EPHA6: variants seen among roughly 807,000 people sequenced by gnomAD.
EPHA6 encodes the protein EPH receptor A6.
In EPHA6, 50 loss-of-function variants were observed where a neutral mutation model predicts 112.0. The ratio of observed to expected loss-of-function variants is 0.45; its 90% CI spans 0.36 to 0.56. The LOEUF is 0.56. EPHA6 is among the 20% of genes least tolerant of loss of function. The probability of loss-of-function intolerance (pLI) is 0.00; values close to 1 mark genes in which losing one functional copy is unlikely to be tolerated. For synonymous variants in EPHA6, 529 were observed against 490.7 expected (o/e 1.08, Z -1.03); for missense variants, 1,280 against 1,417.4 (o/e 0.90, Z 1.56).
At chr3:96,957,402 A>C (rs923432383) in intron 2 of EPHA6, among the ~76,000 whole-genome samples, 1 of 152,220 alleles carries the variant, frequency 6.6e-6, no homozygotes, top group Admixed American at 6.5e-5. Context: ...GGGACTTCTC[A>C]TATCTGGAAA....
intron 11 of EPHA6, among the ~76,000 whole-genome samples, chr3:97,541,686 G>C (rs527608800): frequency 6.7e-6 from 1 of 148,796 alleles, no homozygotes; most frequent in Non-Finnish European, 1.5e-5. Flanking sequence ...TTATTTTGTA[G>C]ACTGTCCCTC....
chr3:97,250,608 A>G (rs1445257694), intron 5 of EPHA6, among the ~76,000 whole-genome samples: 1 of 152,210 alleles, frequency 6.6e-6, no homozygotes, highest in Admixed American at 6.5e-5. Context: ...GTTTAACTAA[A>G]TTGAAATTAA....
chr3:97,579,308 C>T (rs1025159881), intron 11 of EPHA6, among the ~76,000 whole-genome samples: 5 of 152,140 alleles, frequency 3.3e-5, no homozygotes, highest in African/African-American at 1.2e-4. Flanking sequence ...TATTCCCAGC[C>T]TTATACCCAG....
At chr3:97,549,749 G>A (rs1325100842) in intron 11 of EPHA6, among the ~76,000 whole-genome samples, 1 of 152,040 alleles carries the variant, frequency 6.6e-6, no homozygotes, top group Admixed American at 6.6e-5. Context: ...GGCAGAGGTA[G>A]CAGTGAGCCG....
At chr3:97,119,319 G>T (rs1409382720) in intron 3 of EPHA6, among the ~76,000 whole-genome samples, 1 of 151,942 alleles carries the variant, frequency 6.6e-6, no homozygotes, top group Non-Finnish European at 1.5e-5. Context: ...ATTTCTCTAG[G>T]TGCGTGTTGC....
chr3:96,862,821 C>A (rs951881274), intron 1 of EPHA6, among the ~76,000 whole-genome samples: 2 of 151,832 alleles, frequency 1.3e-5, no homozygotes, highest in African/African-American at 4.8e-5. Flanking sequence ...CAGATTTAAT[C>A]CAGTACTATT....
chr3:96,858,792 G>A (rs2035844300), intron 1 of EPHA6, among the ~76,000 whole-genome samples: 1 of 152,108 alleles, frequency 6.6e-6, no homozygotes, highest in Non-Finnish European at 1.5e-5. Context: ...TCTGAGGGCA[G>A]TCAGTGCTTC....
Position 97,757,067 on chromosome 3 carries a change from A to T in EPHA6, c.*8366A>T, listed in dbSNP as rs2036044484. ...CTATAGTAACCTCATTTTTTAAAAA[A>T]ATCAGAGGCAAAGCAAGAATGCAGA... is the stretch of plus-strand genomic sequence containing the variant. On this transcript the variant is annotated 3_prime_UTR_variant, in exon 18 of 18. Transcript: ENST00000389672. Among the ~76,000 whole-genome samples, 1 of 151,976 alleles carries T rather than the reference A, an allele frequency of 6.6e-6. No individual in the cohort carries two copies. Among genetic ancestry groups the T allele is most frequent in the East Asian group, 1.9e-4 (1 of 5,194 alleles).
intron 5 of EPHA6, among the ~76,000 whole-genome samples, chr3:97,397,876 T>A (rs1309367236): frequency 1.3e-5 from 2 of 151,564 alleles, no homozygotes; most frequent in African/African-American, 4.8e-5. Context: ...TATGTAAAAT[T>A]ATGTACACTT....
At chr3:97,648,289 C>A in intron 14 of EPHA6, 1 of 1,102,136 alleles carries the variant, frequency 9.1e-7, no homozygotes, top group Non-Finnish European at 1.4e-6. Context: ...TTCATAGGAC[C>A]TCTTCCAAAC....
chr3:97,063,966 C>G (rs1469426554), intron 3 of EPHA6, among the ~76,000 whole-genome samples: 5 of 152,088 alleles, frequency 3.3e-5, no homozygotes, highest in African/African-American at 1.2e-4. Context: ...GGAAATATTA[C>G]AAATGGTGTA....
chr3:97,687,374 A>G (rs143310804), intron 14 of EPHA6, among the ~76,000 whole-genome samples: 107 of 152,310 alleles, frequency 7.0e-4, no homozygotes, highest in African/African-American at 2.3e-3. Flanking sequence ...TTAACATACT[A>G]TTGGACATCA....
chr3:97,315,616 C>G (rs2081790167), intron 5 of EPHA6, among the ~76,000 whole-genome samples: 1 of 151,748 alleles, frequency 6.6e-6, no homozygotes, highest in Non-Finnish European at 1.5e-5. Context: ...CGTGATGTTT[C>G]TTAAAAGTGG....
rs80310904 is a variant in EPHA6 at position 97,187,087 on chromosome 3, C to T, written c.1115-39177C>T. 3.1e-3 allele frequency among the ~76,000 whole-genome samples: 479 copies of T among 152,216 alleles called. 3 individuals are homozygous for T. The highest frequency in any genetic ancestry group is 0.01 in the African/African-American group (435 of 41,558). ...TGTCATAAGAAATGACCCGAAATCT[C>T]CGTGGTGGCTTACAACAACCAAATT... On this transcript the variant is annotated intron_variant, in intron 3 of 17. Coordinates refer to ENST00000389672, the MANE Select transcript of EPHA6 (RefSeq NM_001080448.3).
chr3:97,010,341 T>C (rs2044040646), intron 3 of EPHA6, among the ~76,000 whole-genome samples: 1 of 152,184 alleles, frequency 6.6e-6, no homozygotes, highest in Non-Finnish European at 1.5e-5. Flanking sequence ...AAGTTATTCA[T>C]TTACATATTA....
chr3:97,183,779 G>A (rs1385540221), intron 3 of EPHA6, among the ~76,000 whole-genome samples: 2 of 151,984 alleles, frequency 1.3e-5, no homozygotes, highest in Admixed American at 6.6e-5. Context: ...TGTCAGCATT[G>A]TAAATTTATT....
chr3:97,475,447 T>C lies in EPHA6; in HGVS notation c.1990T>C (p.Leu664=). 6 of 1,609,682 alleles carry C rather than the reference T, an allele frequency of 3.7e-6. No individual in the cohort carries two copies. Among genetic ancestry groups the C allele is most frequent in the Non-Finnish European group, 5.1e-6 (6 of 1,177,154 alleles). The part of the protein sequence containing the change: ...TLLVILTLFF[L]ITGRCQWYIK... ...CCTCGTCATCCTCACTTTATTCTTC[T>C]TGATCACTGGGAGGTAACTGAAACA... The change falls in exon 8 of 18, where the codon TTG becomes CTG. Residue 664 remains leucine, a synonymous_variant. Transcript: ENST00000389672.
chr3:97,663,060 C>T (rs561211271), intron 14 of EPHA6, among the ~76,000 whole-genome samples: 14 of 152,230 alleles, frequency 9.2e-5, no homozygotes, highest in African/African-American at 3.4e-4. Flanking sequence ...AGCCCTCTTG[C>T]CTCTGAACAA....
chr3:96,922,229 A>G (rs1283222158), intron 2 of EPHA6, among the ~76,000 whole-genome samples: 1 of 152,228 alleles, frequency 6.6e-6, no homozygotes, highest in Admixed American at 6.5e-5. Context: ...GACAGCATTC[A>G]TTACAAAAAA....
Sources: gnomAD v4.1 joint callset for allele counts (sites outside exome capture counted in the v4.1 genomes callset) on GRCh38, gnomAD v4.1.1 for gene constraint, MANE v1.5 for transcripts, NCBI Gene and HGNC (gene_info 2026-07-23, HGNC 2026-07-21) for gene names.